The following AUTS2 variants were observed in gnomAD, a reference collection of about 807,000 sequenced individuals.
The protein encoded by AUTS2 is autism susceptibility gene 2 protein.
Under a neutral mutation model 112.4 loss-of-function variants are expected in AUTS2, and 17 were observed. The ratio of observed to expected loss-of-function variants is 0.15; its 90% CI spans 0.10 to 0.23. AUTS2 has a LOEUF of 0.23. AUTS2 is among the 10% of genes least tolerant of loss of function. The pLI, the probability that AUTS2 is intolerant of heterozygous loss-of-function variation, is 1.00. For synonymous variants in AUTS2, 751 were observed against 702.7 expected (o/e 1.07, Z -1.09); for missense variants, 1,510 against 1,701.6 (o/e 0.89, Z 1.98).
intron 1 of AUTS2, among the ~76,000 whole-genome samples, chr7:69,676,724 T>C (rs1342679814): frequency 6.6e-6 from 1 of 152,194 alleles, no homozygotes; most frequent in Non-Finnish European, 1.5e-5. Context: ...TGTGGAAATC[T>C]TACTTCTCTT....
chr7:70,710,904 C>T (rs1810011570), intron 6 of AUTS2, among the ~76,000 whole-genome samples: 1 of 152,224 alleles, frequency 6.6e-6, no homozygotes. Context: ...GCTGTAGAGG[C>T]CACATGGCCC....
intron 6 of AUTS2, among the ~76,000 whole-genome samples, chr7:70,761,471 G>A (rs1789559322): frequency 6.6e-6 from 1 of 152,236 alleles, no homozygotes; most frequent in South Asian, 2.1e-4. Flanking sequence ...AAAGGATGTT[G>A]TCATCTATTC....
At chr7:69,751,935 G>A (rs1787754761) in intron 1 of AUTS2, among the ~76,000 whole-genome samples, 1 of 152,152 alleles carries the variant, frequency 6.6e-6, no homozygotes, top group Non-Finnish European at 1.5e-5. Context: ...TAATCCACAT[G>A]AAGTTCTTAT....
chr7:69,690,861 A>T (rs534630304), intron 1 of AUTS2, among the ~76,000 whole-genome samples: 1 of 152,330 alleles, frequency 6.6e-6, no homozygotes, highest in African/African-American at 2.4e-5. Flanking sequence ...AGAATGAGAT[A>T]CGTGGACAAC....
intron 2 of AUTS2, among the ~76,000 whole-genome samples, chr7:69,992,536 A>G (rs991305501): frequency 1.3e-5 from 2 of 152,176 alleles, no homozygotes. Context: ...TAAAGAAGAC[A>G]ATACTTGGAG....
intron 5 of AUTS2, among the ~76,000 whole-genome samples, chr7:70,438,290 T>A (rs1795978309): frequency 6.6e-6 from 1 of 152,106 alleles, no homozygotes; most frequent in African/African-American, 2.4e-5. Flanking sequence ...TTGAGTAGAT[T>A]TCAGGGTAAT....
At chr7:69,880,992 C>T (rs746571253) in intron 1 of AUTS2, among the ~76,000 whole-genome samples, 7 of 152,118 alleles carry the variant, frequency 4.6e-5, no homozygotes, top group African/African-American at 7.2e-5. Flanking sequence ...ATTATAAAGA[C>T]GTATGAGTAG....
intron 1 of AUTS2, among the ~76,000 whole-genome samples, chr7:69,749,293 G>T (rs1204771194): frequency 1.3e-5 from 2 of 152,142 alleles, no homozygotes; most frequent in Admixed American, 6.5e-5. Context: ...CCCATTTAAA[G>T]TGTACACTTC....
intron 5 of AUTS2, among the ~76,000 whole-genome samples, chr7:70,473,823 C>G (rs1201000093): frequency 1.3e-5 from 2 of 151,434 alleles, no homozygotes; most frequent in Admixed American, 6.6e-5. Context: ...ATGCCCAGTT[C>G]CATCCCATCG....
intron 5 of AUTS2, among the ~76,000 whole-genome samples, chr7:70,565,878 ACAAG>A (rs1465970696): frequency 6.6e-6 from 1 of 152,214 alleles, no homozygotes; most frequent in Non-Finnish European, 1.5e-5. Context: ...AATACAATAG[ACAAG>A]CAAGTTCAAG....
intron 2 of AUTS2, among the ~76,000 whole-genome samples, chr7:70,021,608 T>C (rs772071925): frequency 6.6e-6 from 1 of 152,152 alleles, no homozygotes; most frequent in Non-Finnish European, 1.5e-5. Context: ...GTGGAAAGGG[T>C]AGAGGTATCT....
intron 6 of AUTS2, among the ~76,000 whole-genome samples, chr7:70,703,490 CAAAAA>C (rs57223380): frequency 0.19 from 18,915 of 98,494 alleles, 1,134 homozygotes; most frequent in Middle Eastern, 0.3. Context: ...GACACCATTT[CAAAAA>C]AAAAAAAAAA....
chr7:70,578,383 A>T (rs1372139023), intron 5 of AUTS2, among the ~76,000 whole-genome samples: 1 of 152,258 alleles, frequency 6.6e-6, no homozygotes, highest in East Asian at 1.9e-4. Flanking sequence ...CATGGCATGA[A>T]GGCAAGGAAG....
chr7:69,806,754 G>A (rs1470004366), intron 1 of AUTS2, among the ~76,000 whole-genome samples: 1 of 152,192 alleles, frequency 6.6e-6, no homozygotes, highest in East Asian at 1.9e-4. Flanking sequence ...TTAATCCCTA[G>A]CATTTTCATT....
At chr7:69,726,000 C>T (rs572086721) in intron 1 of AUTS2, among the ~76,000 whole-genome samples, 2 of 152,096 alleles carry the variant, frequency 1.3e-5, no homozygotes, top group South Asian at 4.1e-4. Flanking sequence ...TGCAGTGCCT[C>T]TCAACTTTGT....
At chr7:70,389,596 A>G (rs1024921640) in intron 4 of AUTS2, among the ~76,000 whole-genome samples, 5 of 152,058 alleles carry the variant, frequency 3.3e-5, no homozygotes, top group African/African-American at 1.2e-4. Flanking sequence ...AAATTATGAT[A>G]TTTCACTGAA....
chr7:70,472,190 T>C (rs902195677), intron 5 of AUTS2, among the ~76,000 whole-genome samples: 5 of 152,176 alleles, frequency 3.3e-5, no homozygotes, highest in Non-Finnish European at 7.3e-5. Context: ...TTGGCGTAGC[T>C]TTTACATAGT....
chr7:69,646,125 TA>T (rs1370546202), intron 1 of AUTS2, among the ~76,000 whole-genome samples: 3 of 151,972 alleles, frequency 2.0e-5, no homozygotes, highest in African/African-American at 7.3e-5. Flanking sequence ...GAGGAGGGGG[TA>T]GGGAAAGGCC....
intron 5 of AUTS2, among the ~76,000 whole-genome samples, chr7:70,453,192 G>T (rs2131089268): frequency 6.6e-6 from 1 of 152,306 alleles, no homozygotes; most frequent in African/African-American, 2.4e-5. Flanking sequence ...CTCAAAGAAT[G>T]TGGGCTTTGG....
Sources: allele counts gnomAD v4.1 joint callset (sites outside exome capture counted in the v4.1 genomes callset), GRCh38; gene constraint gnomAD v4.1.1; transcripts MANE v1.5; gene names NCBI Gene and HGNC (gene_info 2026-07-23, HGNC 2026-07-21).